The following DAGLB variants were observed in gnomAD, a reference collection of about 807,000 sequenced individuals.
The protein encoded by DAGLB is diacylglycerol lipase beta.
DAGLB carries 66 observed loss-of-function variants against 72.1 expected under a neutral mutation model. That is an observed-to-expected ratio of 0.92 (90% confidence interval 0.75 to 1.12). DAGLB has a LOEUF of 1.12. Ranked by LOEUF, DAGLB falls within the 50% of genes most tolerant of loss-of-function variation. DAGLB has a pLI of 0.00. For missense variants in DAGLB, 1,065 were observed against 884.9 expected (o/e 1.20, Z -2.58); for synonymous variants, 414 against 359.5 (o/e 1.15, Z -1.71).
intron 8 of DAGLB, 100 bp downstream of exon 8, chr7:6,424,652 G>T: frequency 8.9e-7 from 1 of 1,119,480 alleles, no homozygotes; most frequent in African/African-American, 1.5e-5. Context: ...ATTTTCCCCT[G>T]TGTCTCATGC....
chr7:6,417,576 C>T (rs1783961803), intron 9 of DAGLB: 1 of 152,124 alleles, frequency 6.6e-6, no homozygotes. Flanking sequence ...TTTTACATAA[C>T]ATTTAAACAT....
Position 6,410,240 on chromosome 7 carries a change from G to T in DAGLB, c.1710C>A (p.Ser570=). ...AGTCGCTGGAGAAGCTGTAGGCCGG[G>T]GACCAGCGCGTCAGTAGGCTCTGCT... ...LGEQSLLTRW[S]PAYSFSSDSP... The change falls in exon 14 of 15, where the codon TCC becomes TCA. Residue 570 remains serine, a synonymous_variant. Transcript: ENST00000297056. 1 of 1,612,634 alleles carries T rather than the reference G, an allele frequency of 6.2e-7. No homozygotes were observed. Among genetic ancestry groups the T allele is most frequent in the South Asian group, 1.1e-5 (1 of 90,770 alleles).
Position 6,425,978 on chromosome 7 carries a change from G to GC in DAGLB, c.1056+9dup. ...AAGAAGTGAAGAGCCGCTGTCTGCA[G>GC]CGTCCACACCTTGTCATGGAAGCTG... On this transcript the variant is annotated intron_variant, in intron 7 of 14. Transcript: ENST00000297056. 4.3e-6 allele frequency: 7 copies of GC among 1,613,766 alleles called. No individual in the cohort carries two copies. Among genetic ancestry groups the GC allele is most frequent in the Non-Finnish European group, 5.9e-6 (7 of 1,179,742 alleles).
chr7:6,414,200 T>C (rs763183283), intron 11 of DAGLB, among the ~76,000 whole-genome samples: 23 of 151,830 alleles, frequency 1.5e-4, no homozygotes, highest in Admixed American at 6.6e-4. Flanking sequence ...TTAGTAGAGA[T>C]AGGGTTTCAC....
chr7:6,414,094 T>A (rs990552822), intron 11 of DAGLB, among the ~76,000 whole-genome samples: 3 of 152,126 alleles, frequency 2.0e-5, no homozygotes, highest in Admixed American at 6.6e-5. Flanking sequence ...CACTGCAACC[T>A]CCATCTCCCA....
rs1187732331 is a variant in DAGLB at position 6,410,042 on chromosome 7, C to T, written c.1821-7G>A. On this transcript the variant is annotated splice_polypyrimidine_tract_variant and splice_region_variant and intron_variant, in intron 14 of 14. Transcript: ENST00000297056. ...AGCAGAGCAGCAGCCAAACCTGAAG[C>T]AGAAAAGGAGAGACAGCTCCCACGC... 1 of 1,611,110 alleles carries T rather than the reference C, an allele frequency of 6.2e-7. No individual in the cohort carries two copies. Among genetic ancestry groups the T allele is most frequent in the Admixed American group, 1.7e-5 (1 of 59,868 alleles).
In DAGLB at chr7:6,447,058, C is replaced by G. The variant is rs151316340; in HGVS notation, c.95+690G>C. Among the ~76,000 whole-genome samples the G allele has an allele frequency of 8.8e-3, 1,336 of 152,288 alleles. 22 individuals are homozygous for G. The highest frequency in any genetic ancestry group is 0.031 in the African/African-American group (1,282 of 41,570). ...CTCACTATGTTGCCCAGGTTGGTCT[C>G]AAACTCCTGCCCTCAAGCAATCCTC... On this transcript the variant is annotated intron_variant, in intron 1 of 14. Coordinates refer to ENST00000297056, the MANE Select transcript of DAGLB (RefSeq NM_139179.4).
At chr7:6,440,698 G>A (rs1432557110) in intron 2 of DAGLB, among the ~76,000 whole-genome samples, 1 of 152,046 alleles carries the variant, frequency 6.6e-6, no homozygotes, top group Non-Finnish European at 1.5e-5. Context: ...GGCCAACATG[G>A]TTTCTACAAA....
At position 6,426,087 on chromosome 7, in the gene DAGLB, G is replaced by C; in HGVS notation, c.957C>G (p.Asp319Glu). Residue 319 changes from aspartate to glutamate, a missense_variant, in exon 7 of 15, where the codon GAC (aspartate) becomes GAG (glutamate). Physicochemically the swap from Asp to Glu is conservative, Grantham distance 45. Transcript: ENST00000297056. ...AGTTGAGCTGATCGCCTCCGACCAA[G>C]TCATAGTCTGTGGTTCTGCTTCTGC... Reference protein sequence around the residue: ...DCCRSRTTDYDLVGGDQLNCH... With the variant: ...DCCRSRTTDYELVGGDQLNCH... The C allele has an allele frequency of 6.2e-7, 1 of 1,613,884 alleles. No homozygotes were observed. Among genetic ancestry groups the C allele is most frequent in the Non-Finnish European group, 8.5e-7 (1 of 1,179,944 alleles).
chr7:6,436,544 A>C lies in DAGLB; in HGVS notation c.248-11T>G, dbSNP rs750084085. 1.9e-5 allele frequency: 30 copies of C among 1,613,768 alleles called. No homozygotes were observed. In the South Asian group the frequency reaches 3.3e-4, roughly 18 times the overall value. On this transcript the variant is annotated splice_polypyrimidine_tract_variant and intron_variant, in intron 2 of 14. Coordinates refer to ENST00000297056, the MANE Select transcript of DAGLB (RefSeq NM_139179.4). ...GGTTACAAATCGTTCCTGAAATACA[A>C]AAAACGTTCCGACTGCTCAGTTGCT...
chr7:6,418,229 G>A (rs1219801574), intron 9 of DAGLB, among the ~76,000 whole-genome samples: 2 of 151,644 alleles, frequency 1.3e-5, no homozygotes, highest in Non-Finnish European at 2.9e-5. Context: ...TGAAAATTAA[G>A]CAGGTGGCTC....
At chr7:6,415,973 C>G (rs1484413011) in intron 11 of DAGLB, among the ~76,000 whole-genome samples, 1 of 151,588 alleles carries the variant, frequency 6.6e-6, no homozygotes, top group African/African-American at 2.4e-5. Context: ...ACTACGGGCT[C>G]TGGGCGATGT....
At chr7:6,422,639 A>G (rs539676459) in intron 8 of DAGLB, 20 of 153,260 alleles carry the variant, frequency 1.3e-4, no homozygotes, top group African/African-American at 4.8e-4. Context: ...CAGACAGAGA[A>G]AAGCAAACAC....
At chr7:6,417,121 TGTG>T (rs1006488228) in intron 9 of DAGLB, 200 bp from the exon 10 acceptor site, 13 of 598,360 alleles carry the variant, frequency 2.2e-5, no homozygotes, top group African/African-American at 1.9e-4. Context: ...AGGTGCCAGG[TGTG>T]GTGGCGCACG....
intron 3 of DAGLB, 38 bp downstream of exon 3, chr7:6,436,324 A>G: frequency 1.3e-6 from 2 of 1,581,972 alleles, no homozygotes; most frequent in Non-Finnish European, 1.7e-6. Flanking sequence ...CTATGCCTCA[A>G]ATCCACTGAA....
chr7:6,437,307 C>A (rs888324740), intron 2 of DAGLB, among the ~76,000 whole-genome samples: 29 of 152,046 alleles, frequency 1.9e-4, no homozygotes, highest in African/African-American at 6.8e-4. Context: ...CCTTTGAGAC[C>A]TACATTGTTC....
rs534970725 is a variant in DAGLB, at chr7:6,436,664, T to C, written c.248-131A>G. 6 of 1,112,266 alleles carry C rather than the reference T, an allele frequency of 5.4e-6. No individual in the cohort carries two copies. In the South Asian group the frequency reaches 8.9e-5, roughly 16 times the overall value. 68.9% of individuals were successfully genotyped at this position (1,112,266 alleles called of 1,614,324 possible). On this transcript the variant is annotated intron_variant, in intron 2 of 14. Transcript: ENST00000297056. ...CACCCGCCTCCTGACTTTTTCTACT[T>C]ATAATTGGTAATCAGCACCTAAGTC...
chr7:6,412,026 T>C (rs1783745535), intron 13 of DAGLB, among the ~76,000 whole-genome samples: 1 of 152,124 alleles, frequency 6.6e-6, no homozygotes, highest in Non-Finnish European at 1.5e-5. Flanking sequence ...GCGATTCTTC[T>C]GCCTCAGCCT....
At chr7:6,421,897 G>T in intron 8 of DAGLB, 93 bp from the exon 9 acceptor site, 2 of 1,329,058 alleles carry the variant, frequency 1.5e-6, no homozygotes, top group Non-Finnish European at 2.1e-6. Flanking sequence ...CTTCTGTGGA[G>T]GATGGCGGGG....
Sources: gnomAD v4.1 joint callset for allele counts (sites outside exome capture counted in the v4.1 genomes callset) on GRCh38, gnomAD v4.1.1 for gene constraint, MANE v1.5 for transcripts, NCBI Gene and HGNC (gene_info 2026-07-23, HGNC 2026-07-21) for gene names.